DLGAP2: variants seen among roughly 807,000 people sequenced by gnomAD.
DLGAP2 encodes the protein disks large-associated protein 2.
Under a neutral mutation model 100.3 loss-of-function variants are expected in DLGAP2, and 26 were observed. The ratio of observed to expected loss-of-function variants is 0.26; its 90% CI spans 0.19 to 0.36. The LOEUF is 0.36. Among genes scored for constraint, DLGAP2 ranks in the 10% least tolerant of loss-of-function variants. The probability of loss-of-function intolerance (pLI) is 1.00; values close to 1 mark genes in which losing one functional copy is unlikely to be tolerated. For synonymous variants in DLGAP2, 886 were observed against 630.1 expected (o/e 1.41, Z -6.08); for missense variants, 1,858 against 1,453.2 (o/e 1.28, Z -4.53).
intron 2 of DLGAP2, among the ~76,000 whole-genome samples, chr8:1,018,523 A>G (rs886466027): frequency 3.3e-5 from 5 of 152,226 alleles, no homozygotes; most frequent in African/African-American, 7.2e-5. Flanking sequence ...CCAGTGGCTG[A>G]AGGCCTGGAG....
intron 2 of DLGAP2, among the ~76,000 whole-genome samples, chr8:1,187,781 T>C (rs1797543009): frequency 7.3e-6 from 1 of 136,872 alleles, no homozygotes. Flanking sequence ...GCCCGGGACC[T>C]CTGTGACGTT....
rs540064745 is a variant in DLGAP2 at position 1,130,917 on chromosome 8, G to C, written c.74-127934G>C. Among the ~76,000 whole-genome samples, 3 of 152,106 alleles carry C rather than the reference G, an allele frequency of 2.0e-5. No homozygotes were observed. The East Asian group carries it at 5.8e-4, about 29-fold the overall frequency. ...GCGGCTGGGCTGAGAGACCGGAGAC[G>C]GGCCTCCCTGATGAGGGGAAGGGTG... On this transcript the variant is annotated intron_variant, in intron 2 of 14. Coordinates refer to ENST00000637795, the MANE Select transcript of DLGAP2 (RefSeq NM_001346810.2).
intron 2 of DLGAP2, among the ~76,000 whole-genome samples, chr8:1,033,363 G>C (rs751683001): frequency 6.6e-6 from 1 of 152,160 alleles, no homozygotes; most frequent in Non-Finnish European, 1.5e-5. Context: ...GATGAATGAA[G>C]AATAAAGGCT....
rs560743802 is a variant in DLGAP2 at position 1,477,410 on chromosome 8, C to A, written c.107-23956C>A. 1.4e-4 allele frequency among the ~76,000 whole-genome samples: 21 copies of A among 152,326 alleles called. No homozygotes were observed. In the South Asian group the frequency reaches 3.9e-3, roughly 29 times the overall value. On this transcript the variant is annotated intron_variant, in intron 3 of 14. Coordinates refer to ENST00000637795, the MANE Select transcript of DLGAP2 (RefSeq NM_001346810.2). ...CTTCTGAAACCAGCCTCTCTCCCCA[C>A]CCCTGTGAATCTCCGCTTTGCCTGT... is the stretch of plus-strand genomic sequence containing the variant.
rs548127806 is a variant in DLGAP2 at position 948,110 on chromosome 8, C to G, written c.73+40144C>G. ...CCAGCCCGCGTGCGCCATGGTTCCA[C>G]TGACCCTGTGCCAGCCAGTGCGGGC... On this transcript the variant is annotated intron_variant, in intron 2 of 14. Transcript: ENST00000637795. Among the ~76,000 whole-genome samples the G allele has an allele frequency of 9.2e-5, 14 of 152,286 alleles. No individual in the cohort carries two copies. In the South Asian group the frequency reaches 2.9e-3, roughly 32 times the overall value.
intron 1 of DLGAP2, among the ~76,000 whole-genome samples, chr8:863,006 A>G (rs780425553): frequency 1.3e-5 from 2 of 152,230 alleles, no homozygotes; most frequent in Admixed American, 1.3e-4. Context: ...ACAGATATGA[A>G]TATGGCAGTG....
chr8:1,631,217 C>T (rs1797636750), intron 7 of DLGAP2, among the ~76,000 whole-genome samples: 1 of 152,044 alleles, frequency 6.6e-6, no homozygotes, highest in South Asian at 2.1e-4. Flanking sequence ...GCCGAGGGTC[C>T]TTGCTGAGAT....
Position 778,215 on chromosome 8 carries a change from C to G in DLGAP2, c.18+40390C>G, listed in dbSNP as rs1315998797. On this transcript the variant is annotated intron_variant, in intron 1 of 14. Transcript: ENST00000637795. ...GCTCCATCAGCTCCTTTAAGCACTT[C>G]TCTGTATTGGTTATTCTAGTTATAC... 2.6e-5 allele frequency among the ~76,000 whole-genome samples: 4 copies of G among 152,116 alleles called. No homozygotes were observed. In the South Asian group the frequency reaches 6.2e-4, roughly 24 times the overall value.
chr8:1,193,874 C>T (rs953830882), intron 2 of DLGAP2, among the ~76,000 whole-genome samples: 1 of 152,140 alleles, frequency 6.6e-6, no homozygotes, highest in Admixed American at 6.5e-5. Context: ...AGCCTCCGCA[C>T]CGCGCCGCCC....
intron 2 of DLGAP2, among the ~76,000 whole-genome samples, chr8:1,113,618 A>T (rs1389021434): frequency 6.6e-6 from 1 of 152,128 alleles, no homozygotes; most frequent in Admixed American, 6.6e-5. Flanking sequence ...GGGGTTTTCT[A>T]GATATAGAAT....
At chr8:804,449 C>T (rs928569796) in intron 1 of DLGAP2, among the ~76,000 whole-genome samples, 5 of 152,182 alleles carry the variant, frequency 3.3e-5, no homozygotes, top group African/African-American at 9.6e-5. Context: ...ACTTCTGTTT[C>T]GAGGAGATCT....
chr8:1,354,070 A>ATGT (rs1801794649), intron 3 of DLGAP2, among the ~76,000 whole-genome samples: 1 of 152,212 alleles, frequency 6.6e-6, no homozygotes, highest in South Asian at 2.1e-4. Flanking sequence ...CAGGGGGGCA[A>ATGT]TGTTGTATCA....
intron 2 of DLGAP2, among the ~76,000 whole-genome samples, chr8:1,254,286 G>T (rs989235830): frequency 6.6e-6 from 1 of 152,200 alleles, no homozygotes. Flanking sequence ...ACTCCGCTCT[G>T]TCCCCATCAT....
chr8:1,344,189 C>T (rs1441983190), intron 3 of DLGAP2, among the ~76,000 whole-genome samples: 31 of 144,114 alleles, frequency 2.2e-4, no homozygotes, highest in East Asian at 9.7e-4. Context: ...GTCGTGGGTC[C>T]GTGTACTCGG....
chr8:1,551,749 C>G (rs759841674), intron 5 of DLGAP2, among the ~76,000 whole-genome samples: 17 of 152,172 alleles, frequency 1.1e-4, no homozygotes, highest in Non-Finnish European at 2.4e-4. Flanking sequence ...CAGACAGATA[C>G]AACTGTAAAT....
rs115789563 is a variant in DLGAP2, at chr8:1,004,029, G to A, written c.73+96063G>A. The stretch of plus-strand genomic sequence containing the variant: ...TTTTTTTATTCTCTTGATGTTGCCT[G>A]GCACAAAATAATTGCCCGATACATG... On this transcript the variant is annotated intron_variant, in intron 2 of 14. Coordinates refer to ENST00000637795, the MANE Select transcript of DLGAP2 (RefSeq NM_001346810.2). Among the ~76,000 whole-genome samples the A allele has an allele frequency of 2.5e-3, 385 of 152,176 alleles. 2 individuals carry two copies. The highest frequency in any genetic ancestry group is 8.8e-3 in the African/African-American group (364 of 41,528).
In DLGAP2 at chr8:968,272, A is replaced by C. The variant is rs1799929613; in HGVS notation, c.73+60306A>C. On this transcript the variant is annotated intron_variant, in intron 2 of 14. Transcript: ENST00000637795. ...GTGGGGCCCCTGCCCCCAACCCCCC[A>C]GCTGGTGCTTTGCTGATTCCTTTCA... 1.3e-5 allele frequency among the ~76,000 whole-genome samples: 2 copies of C among 152,062 alleles called. 1 individual carries two copies. The highest frequency in any genetic ancestry group is 2.9e-5 in the Non-Finnish European group (2 of 67,986).
At chr8:952,529 C>T (rs1423836214) in intron 2 of DLGAP2, among the ~76,000 whole-genome samples, 6 of 151,984 alleles carry the variant, frequency 3.9e-5, no homozygotes, top group Non-Finnish European at 2.9e-5. Context: ...CCCAACTACT[C>T]AGGAGGCTGA....
At chr8:1,696,668 G>A (rs145729258) in intron 13 of DLGAP2, among the ~76,000 whole-genome samples, 2 of 152,250 alleles carry the variant, frequency 1.3e-5, no homozygotes, top group Non-Finnish European at 2.9e-5. Context: ...CTGTTCCTTG[G>A]CGCATTACAT....
Sources: gnomAD v4.1 joint callset for allele counts (sites outside exome capture counted in the v4.1 genomes callset) on GRCh38, gnomAD v4.1.1 for gene constraint, MANE v1.5 for transcripts, NCBI Gene and HGNC (gene_info 2026-07-23, HGNC 2026-07-21) for gene names.